PDIA5: variants seen among roughly 807,000 people sequenced by gnomAD.
PDIA5 encodes the protein protein disulfide-isomerase A5.
A neutral mutation model predicts 77.6 loss-of-function variants in PDIA5; 58 were observed. That is an observed-to-expected ratio of 0.75 (90% confidence interval 0.61 to 0.93). The LOEUF (loss-of-function observed/expected upper bound fraction) is 0.93. Among genes scored for constraint, PDIA5 ranks in the 40% least tolerant of loss-of-function variants. PDIA5 has a pLI of 0.00. For missense variants in PDIA5, 630 were observed against 647.7 expected (o/e 0.97, Z 0.30); for synonymous variants, 250 against 252.1 (o/e 0.99, Z 0.08).
At chr3:123,095,539 C>A (rs1431443274) in intron 3 of PDIA5, among the ~76,000 whole-genome samples, 1 of 151,962 alleles carries the variant, frequency 6.6e-6, no homozygotes, top group Non-Finnish European at 1.5e-5. Context: ...TACCTGAGGT[C>A]GGGAGTTCAA....
At chr3:123,116,053 G>A (rs1332249806) in intron 7 of PDIA5, among the ~76,000 whole-genome samples, 178 bp from the exon 8 acceptor site, 1 of 152,232 alleles carries the variant, frequency 6.6e-6, no homozygotes, top group East Asian at 1.9e-4. Context: ...AAGCTCTTTG[G>A]GGGCTGAGAC....
chr3:123,083,074 C>A (rs908195720), intron 1 of PDIA5, among the ~76,000 whole-genome samples: 3 of 152,134 alleles, frequency 2.0e-5, no homozygotes, highest in African/African-American at 7.2e-5. Context: ...AGGACTCAGT[C>A]TCCACCCCAT....
intron 14 of PDIA5, among the ~76,000 whole-genome samples, chr3:123,153,365 G>T (rs933900983): frequency 2.0e-5 from 3 of 152,218 alleles, no homozygotes; most frequent in African/African-American, 7.2e-5. Flanking sequence ...GACATACCTT[G>T]TTAACCAGTA....
rs151232671 is a variant in PDIA5, at chr3:123,148,877, G to A, written c.1143-1357G>A. Among the ~76,000 whole-genome samples, 224 of 152,342 alleles carry A rather than the reference G, an allele frequency of 1.5e-3. 1 individual carries two copies. Among genetic ancestry groups the A allele is most frequent in the Non-Finnish European group, 2.7e-3 (187 of 68,020 alleles). On this transcript the variant is annotated intron_variant, in intron 13 of 16. Transcript: ENST00000316218. Reference sequence around the variant, plus strand: ...GCTCGGGGGTGGAGAACTGAGACTCGTCACCCAGAAGCAGGGCGAGCAGAC... The same window carrying A: ...GCTCGGGGGTGGAGAACTGAGACTCATCACCCAGAAGCAGGGCGAGCAGAC...
chr3:123,162,096 A>C lies in PDIA5; in HGVS notation c.*136A>C. ...TTTGTACAATTTTGAAATAAAATTA[A>C]ACCATTTATTTGGTGGTATGGTTTA... On this transcript the variant is annotated 3_prime_UTR_variant, in exon 17 of 17. Transcript: ENST00000316218. 1.5e-6 allele frequency: 1 copy of C among 663,676 alleles called. No individual in the cohort carries two copies. Among genetic ancestry groups the C allele is most frequent in the East Asian group, 2.6e-5 (1 of 38,182 alleles). 41.1% of individuals were successfully genotyped at this position (663,676 alleles called of 1,614,324 possible).
chr3:123,128,962 G>A (rs1935307815), intron 10 of PDIA5, among the ~76,000 whole-genome samples: 1 of 152,184 alleles, frequency 6.6e-6, no homozygotes, highest in Non-Finnish European at 1.5e-5. Context: ...CCAGCAGTTT[G>A]TCCACATCAG....
chr3:123,067,189 C>A lies in PDIA5; in HGVS notation c.25C>A (p.Leu9Met). Residue 9 changes from leucine (L) to methionine (M), a missense_variant, in exon 1 of 17, where the codon CTG (leucine) becomes ATG (methionine). Coordinates refer to ENST00000316218, the MANE Select transcript of PDIA5 (RefSeq NM_006810.4). MARAGPAW[L>M]LLAIWVVLPS... ...GATGGCGCGGGCCGGGCCGGCGTGG[C>A]TGCTGCTGGCAATCTGGGTGAGACT... 8.0e-7 allele frequency: 1 copy of A among 1,247,724 alleles called. No individual in the cohort carries two copies. Among genetic ancestry groups the A allele is most frequent in the Middle Eastern group, 2.9e-4 (1 of 3,440 alleles). 77.3% of individuals were successfully genotyped at this position (1,247,724 alleles called of 1,614,324 possible). A position where few individuals can be genotyped will look rare whatever the true frequency, so the allele number is the denominator to read the frequency against.
At position 123,122,806 on chromosome 3, in the gene PDIA5, C is replaced by T. The variant is rs117687185; in HGVS notation, c.610-1260C>T. Among the ~76,000 whole-genome samples, 231 of 152,354 alleles carry T rather than the reference C, an allele frequency of 1.5e-3. 4 individuals are homozygous for T. The East Asian group carries it at 0.039, about 26-fold the overall frequency. ...GAAACGGTTATTTATTTTCCTCTCTCTCTGTGTCCTTATGTATTATTCAGT... is the reference window on the plus strand; with the variant it reads ...GAAACGGTTATTTATTTTCCTCTCTTTCTGTGTCCTTATGTATTATTCAGT... On this transcript the variant is annotated intron_variant, in intron 8 of 16. Transcript: ENST00000316218.
intron 1 of PDIA5, among the ~76,000 whole-genome samples, chr3:123,073,538 C>G (rs1284037664): frequency 2.0e-5 from 3 of 152,250 alleles, no homozygotes; most frequent in Non-Finnish European, 1.5e-5. Context: ...TGCCACCCTA[C>G]ATCAGCAGGG....
intron 3 of PDIA5, among the ~76,000 whole-genome samples, chr3:123,095,820 G>A (rs1934421710): frequency 6.6e-6 from 1 of 151,496 alleles, no homozygotes. Context: ...AGAAGACCCA[G>A]CTTTGAGTCC....
intron 11 of PDIA5, 34 bp downstream of exon 11, chr3:123,130,650 C>T (rs944725674): frequency 6.2e-7 from 1 of 1,610,612 alleles, no homozygotes; most frequent in Non-Finnish European, 8.5e-7. Flanking sequence ...CCTCCACACC[C>T]TCCCCTCTCT....
intron 15 of PDIA5, among the ~76,000 whole-genome samples, chr3:123,159,874 G>T (rs1310996576): frequency 6.6e-6 from 1 of 152,226 alleles, no homozygotes; most frequent in Non-Finnish European, 1.5e-5. Context: ...TGAGGGACAT[G>T]ATGAGTAAAC....
intron 11 of PDIA5, among the ~76,000 whole-genome samples, chr3:123,142,761 T>G (rs2064344141): frequency 6.6e-6 from 1 of 152,296 alleles, no homozygotes; most frequent in South Asian, 2.1e-4. Flanking sequence ...AGGAGCACTT[T>G]TGGGGCTATG....
Position 123,094,917 on chromosome 3 carries a change from C to T in PDIA5, c.257+2475C>T, listed in dbSNP as rs1360032214. Among the ~76,000 whole-genome samples the T allele has an allele frequency of 4.6e-5, 7 of 152,280 alleles. No homozygotes were observed. In the East Asian group the frequency reaches 9.7e-4, roughly 21 times the overall value. On this transcript the variant is annotated intron_variant, in intron 3 of 16. Transcript: ENST00000316218. ...GGGGTGACCAGGAAGGTCAGGAGTGCACAGGCCACCCTGCTTTTCCCTTTA... is the reference window on the plus strand; with the variant it reads ...GGGGTGACCAGGAAGGTCAGGAGTGTACAGGCCACCCTGCTTTTCCCTTTA...
At chr3:123,135,615 G>A (rs938854560) in intron 11 of PDIA5, among the ~76,000 whole-genome samples, 8 of 151,894 alleles carry the variant, frequency 5.3e-5, no homozygotes, top group African/African-American at 4.8e-5. Flanking sequence ...TTTTTTTTAA[G>A]CTTTTAACTG....
chr3:123,124,792 C>G (rs1935203169), intron 10 of PDIA5, among the ~76,000 whole-genome samples: 1 of 152,218 alleles, frequency 6.6e-6, no homozygotes, highest in African/African-American at 2.4e-5. Context: ...GGTTCCACTG[C>G]AGGTCTCTCT....
chr3:123,092,340 G>GTTT lies in PDIA5; in HGVS notation c.170-7_170-5dup. 3 of 1,345,568 alleles carry GTTT rather than the reference G, an allele frequency of 2.2e-6. No individual in the cohort carries two copies. Among genetic ancestry groups the GTTT allele is most frequent in the African/African-American group, 1.5e-5 (1 of 67,850 alleles). The allele number at this position is 1,345,568 out of a possible 1,614,324, so 83.4% of individuals were successfully genotyped here. On this transcript the variant is annotated splice_polypyrimidine_tract_variant and intron_variant, in intron 2 of 16. Coordinates refer to ENST00000316218, the MANE Select transcript of PDIA5 (RefSeq NM_006810.4). ...CTTGGTCACAGATGTTTAATTTTTTGTTTTTTTTTTACAGAGGTGGCAGCT... is the reference window on the plus strand; with the variant it reads ...CTTGGTCACAGATGTTTAATTTTTTGTTTTTTTTTTTTTACAGAGGTGGCAGCT...
At chr3:123,139,242 C>T (rs1262287126) in intron 11 of PDIA5, among the ~76,000 whole-genome samples, 2 of 152,186 alleles carry the variant, frequency 1.3e-5, no homozygotes, top group Non-Finnish European at 2.9e-5. Flanking sequence ...AACCCTCCTC[C>T]TCCAACTGTC....
At chr3:123,149,962 G>A (rs555228693) in intron 13 of PDIA5, among the ~76,000 whole-genome samples, 10 of 152,280 alleles carry the variant, frequency 6.6e-5, no homozygotes, top group African/African-American at 2.4e-4. Flanking sequence ...CCACAACTGG[G>A]GGGGCTGCCC....
Sources: allele counts gnomAD v4.1 joint callset (sites outside exome capture counted in the v4.1 genomes callset), GRCh38; gene constraint gnomAD v4.1.1; transcripts MANE v1.5; gene names NCBI Gene and HGNC (gene_info 2026-07-23, HGNC 2026-07-21).